GALNT16: variants seen among roughly 807,000 people sequenced by gnomAD.
GALNT16 encodes polypeptide N-acetylgalactosaminyltransferase 16.
Under a neutral mutation model 76.1 loss-of-function variants are expected in GALNT16, and 40 were observed. The ratio of observed to expected loss-of-function variants is 0.53; its 90% CI spans 0.41 to 0.68. The LOEUF (loss-of-function observed/expected upper bound fraction) is 0.68. Among genes scored for constraint, GALNT16 ranks in the 30% least tolerant of loss-of-function variants. The pLI is 0.00. For missense variants in GALNT16, 621 were observed against 731.9 expected (o/e 0.85, Z 1.75); for synonymous variants, 276 against 285.2 (o/e 0.97, Z 0.32).
At chr14:69,345,805 T>C (rs2045555175) in intron 12 of GALNT16, among the ~76,000 whole-genome samples, 1 of 152,022 alleles carries the variant, frequency 6.6e-6, no homozygotes, top group Non-Finnish European at 1.5e-5. Flanking sequence ...ATTTTAAAAC[T>C]TGCCTGTTTT....
At chr14:69,326,689 C>T (rs1180849158) in intron 5 of GALNT16, among the ~76,000 whole-genome samples, 1 of 152,344 alleles carries the variant, frequency 6.6e-6, no homozygotes, top group African/African-American at 2.4e-5. Context: ...GCAAAGGCAT[C>T]AGTCAGGGGT....
At chr14:69,312,053 A>AAATCTATC (rs2045030099) in intron 1 of GALNT16, among the ~76,000 whole-genome samples, 1 of 127,820 alleles carries the variant, frequency 7.8e-6, no homozygotes, top group Non-Finnish European at 1.7e-5. Context: ...AAAAAAAAAA[A>AAATCTATC]AATCTGTCTA....
At chr14:69,311,352 A>C (rs543696706) in intron 1 of GALNT16, among the ~76,000 whole-genome samples, 1 of 152,350 alleles carries the variant, frequency 6.6e-6, no homozygotes, top group African/African-American at 2.4e-5. Context: ...TCATGAGGGC[A>C]GAGCCTTTCT....
intron 1 of GALNT16, among the ~76,000 whole-genome samples, chr14:69,317,989 G>T (rs2045126128): frequency 6.6e-6 from 1 of 152,222 alleles, no homozygotes; most frequent in Admixed American, 6.5e-5. Context: ...CCCTTCAGAG[G>T]TCATGGAATT....
At chr14:69,262,652 G>T (rs1414367058) in intron 1 of GALNT16, among the ~76,000 whole-genome samples, 1 of 152,110 alleles carries the variant, frequency 6.6e-6, no homozygotes, top group East Asian at 1.9e-4. Flanking sequence ...GCCACTTAGG[G>T]GCACAGCCAG....
At chr14:69,372,336 C>A in the GALNT16 span, among the ~76,000 whole-genome samples, 3 of 152,076 alleles carry the variant, frequency 2.0e-5, no homozygotes, top group African/African-American at 7.2e-5. Context: ...CTCACTGATA[C>A]GGGGTCTGTT....
At position 69,339,450 on chromosome 14, in the gene GALNT16, A is replaced by G. The variant is rs2045456269; in HGVS notation, c.1095-77A>G. The G allele has an allele frequency of 4.6e-6, 4 of 864,692 alleles. No homozygotes were observed. In the African/African-American group the frequency reaches 4.9e-5, roughly 11 times the overall value. The allele number at this position is 864,692 out of a possible 1,614,324, so 53.6% of individuals were successfully genotyped here. On this transcript the variant is annotated intron_variant, in intron 10 of 14. Coordinates refer to ENST00000448469, the MANE Select transcript of GALNT16 (RefSeq NM_001168368.2). ...GATTCTCATCGTCCTGTATTCATGG[A>G]TCGATTAATCTTGATCCTGACCGCT...
intron 1 of GALNT16, among the ~76,000 whole-genome samples, chr14:69,284,661 C>G (rs1462693855): frequency 6.6e-6 from 1 of 152,156 alleles, no homozygotes; most frequent in Non-Finnish European, 1.5e-5. Context: ...TGAACATGGG[C>G]AAAGTATACC....
At chr14:69,289,207 C>T (rs2044657899) in intron 1 of GALNT16, among the ~76,000 whole-genome samples, 1 of 152,134 alleles carries the variant, frequency 6.6e-6, no homozygotes, top group South Asian at 2.1e-4. Context: ...TTCCCTTTTG[C>T]GGCCTCTGAG....
chr14:69,318,866 CA>C (rs532254929), intron 1 of GALNT16, among the ~76,000 whole-genome samples: 1,733 of 152,366 alleles, frequency 0.011, 18 homozygotes, highest in Non-Finnish European at 0.019. Context: ...GTGGGAAGGA[CA>C]AAAAGAATCA....
Position 69,288,114 on chromosome 14 carries a change from A to C in GALNT16, c.177+27647A>C, listed in dbSNP as rs761106857. On this transcript the variant is annotated intron_variant, in intron 1 of 14. Coordinates refer to ENST00000448469, the MANE Select transcript of GALNT16 (RefSeq NM_001168368.2). ...GTGTACTGCTTTCCAGCAGGGACTG[A>C]AAGAAGGGCCAGTCAAATCTAGGAA... 1.4e-3 allele frequency among the ~76,000 whole-genome samples: 215 copies of C among 152,246 alleles called. 5 individuals carry two copies. Among genetic ancestry groups the C allele is most frequent in the Non-Finnish European group, 4.8e-4 (33 of 68,042 alleles).
At chr14:69,295,526 C>T (rs998162918) in intron 1 of GALNT16, among the ~76,000 whole-genome samples, 1 of 151,962 alleles carries the variant, frequency 6.6e-6, no homozygotes, top group Non-Finnish European at 1.5e-5. Context: ...TCAAGACCAG[C>T]CTGGCCAACA....
At chr14:69,320,982 T>C in intron 2 of GALNT16, 114 bp downstream of exon 2, 2 of 1,088,858 alleles carry the variant, frequency 1.8e-6, no homozygotes, top group South Asian at 3.1e-5. Context: ...TCAGACTGTG[T>C]CCAGTGATTT....
At chr14:69,369,690 A>G in the GALNT16 span, among the ~76,000 whole-genome samples, 1 of 152,234 alleles carries the variant, frequency 6.6e-6, no homozygotes, top group East Asian at 1.9e-4. Context: ...ACCTACTTTT[A>G]CAAGTAGGCA....
intron 1 of GALNT16, among the ~76,000 whole-genome samples, chr14:69,303,809 T>C (rs1015723780): frequency 6.6e-6 from 1 of 152,194 alleles, no homozygotes; most frequent in Non-Finnish European, 1.5e-5. Context: ...CTACAGAGCT[T>C]TCATAGCTAA....
intron 12 of GALNT16, among the ~76,000 whole-genome samples, chr14:69,342,799 C>T (rs191629813): frequency 7.9e-5 from 12 of 152,282 alleles, no homozygotes; most frequent in Admixed American, 5.2e-4. Context: ...GTTACATCCA[C>T]GTGGTTCATT....
Position 69,326,037 on chromosome 14 carries a change from T to C in GALNT16, c.568+10T>C, listed in dbSNP as rs1232449139. 12 of 1,610,512 alleles carry C rather than the reference T, an allele frequency of 7.5e-6. No homozygotes were observed. Among genetic ancestry groups the C allele is most frequent in the Non-Finnish European group, 1.0e-5 (12 of 1,176,848 alleles). ...AATGATCGGCGGGAAGGTGAGTCCT[T>C]GCACCCTGGGTCCCACCAAGGGCCC... On this transcript the variant is annotated intron_variant, in intron 5 of 14. Coordinates refer to ENST00000448469, the MANE Select transcript of GALNT16 (RefSeq NM_001168368.2).
At chr14:69,293,743 T>C (rs772757561) in intron 1 of GALNT16, among the ~76,000 whole-genome samples, 1 of 152,176 alleles carries the variant, frequency 6.6e-6, no homozygotes, top group Non-Finnish European at 1.5e-5. Context: ...AGCGCATTAA[T>C]ATATGTAAAG....
At chr14:69,327,977 C>T (rs191469658) in intron 5 of GALNT16, among the ~76,000 whole-genome samples, 42 of 152,254 alleles carry the variant, frequency 2.8e-4, no homozygotes, top group Middle Eastern at 3.4e-3. Context: ...AGGCTCAGAG[C>T]GGTTAAATAA....
Sources: gnomAD v4.1 joint callset for allele counts (sites outside exome capture counted in the v4.1 genomes callset) on GRCh38, gnomAD v4.1.1 for gene constraint, MANE v1.5 for transcripts, NCBI Gene and HGNC (gene_info 2026-07-23, HGNC 2026-07-21) for gene names.